The following DSCAM variants were observed in gnomAD, a reference collection of about 807,000 sequenced individuals.
DSCAM encodes the protein cell adhesion molecule DSCAM.
DSCAM carries 47 observed loss-of-function variants against 217.7 expected under a neutral mutation model. The ratio of observed to expected loss-of-function variants is 0.22; its 90% CI spans 0.17 to 0.28. DSCAM has a LOEUF of 0.28. DSCAM is among the 10% of genes least tolerant of loss of function. The pLI, the probability that DSCAM is intolerant of heterozygous loss-of-function variation, is 1.00. For missense variants in DSCAM, 2,080 were observed against 2,618.3 expected, an observed-to-expected ratio of 0.79 and a Z score of 4.49; for synonymous variants, 1,056 against 1,015.3, an observed-to-expected ratio of 1.04 and a Z score of -0.76.
At chr21:40,036,412 C>A (rs2088624477) in intron 32 of DSCAM, among the ~76,000 whole-genome samples, 2 of 144,748 alleles carry the variant, frequency 1.4e-5, no homozygotes, top group African/African-American at 2.7e-5. Context: ...ACTAGAAAAT[C>A]TAGAAGAAAT....
At chr21:40,621,062 C>T (rs1210622764) in intron 3 of DSCAM, among the ~76,000 whole-genome samples, 1 of 152,050 alleles carries the variant, frequency 6.6e-6, no homozygotes, top group Non-Finnish European at 1.5e-5. Context: ...ACAGTGGTTA[C>T]TAAAGTTGGG....
chr21:40,085,279 A>C (rs114285135), intron 23 of DSCAM, among the ~76,000 whole-genome samples: 4,675 of 152,308 alleles, frequency 0.031, 147 homozygotes, highest in East Asian at 0.13. Context: ...ACACTTACAT[A>C]TATGTAGAGT....
intron 3 of DSCAM, among the ~76,000 whole-genome samples, chr21:40,425,954 T>A (rs1331502513): frequency 2.0e-5 from 3 of 152,178 alleles, no homozygotes; most frequent in African/African-American, 7.2e-5. Context: ...GGGGGCAGAA[T>A]AAAGGACAAT....
chr21:40,056,371 GT>G (rs1376391996), intron 28 of DSCAM, among the ~76,000 whole-genome samples: 1 of 152,104 alleles, frequency 6.6e-6, no homozygotes, highest in East Asian at 1.9e-4. Context: ...CCTGACGTTA[GT>G]TTTCCTAACT....
rs148324976 is a variant in DSCAM at position 40,325,151 on chromosome 21, T to G, written c.1784-12792A>C. ...TTAATAATAACTGACTTGAAGAGGC[T>G]TTTTTTTAAGTAAAGTGCTGAAATA... is the stretch of plus-strand genomic sequence containing the variant. On this transcript the variant is annotated intron_variant, in intron 8 of 32. Coordinates refer to ENST00000400454, the MANE Select transcript of DSCAM (RefSeq NM_001389.5). Among the ~76,000 whole-genome samples, 11 of 152,002 alleles carry G rather than the reference T, an allele frequency of 7.2e-5. No individual in the cohort carries two copies. In the East Asian group the frequency reaches 2.1e-3, roughly 29 times the overall value.
intron 3 of DSCAM, among the ~76,000 whole-genome samples, chr21:40,539,140 G>A (rs543421522): frequency 2.0e-5 from 3 of 152,226 alleles, no homozygotes; most frequent in South Asian, 2.1e-4. Context: ...GGTTGGGGAG[G>A]CCGAGAGGGC....
chr21:40,564,644 G>A (rs914625006), intron 3 of DSCAM, among the ~76,000 whole-genome samples: 1 of 152,108 alleles, frequency 6.6e-6, no homozygotes, highest in Non-Finnish European at 1.5e-5. Flanking sequence ...CTCTAGGTCT[G>A]TCTCTACTCA....
chr21:40,039,170 T>TAAAG (rs202041057), intron 32 of DSCAM, among the ~76,000 whole-genome samples: 1 of 150,192 alleles, frequency 6.7e-6, no homozygotes, highest in South Asian at 2.1e-4. Context: ...AGTATAATAA[T>TAAAG]AAAGAAAAGA....
intron 1 of DSCAM, among the ~76,000 whole-genome samples, chr21:40,827,483 A>AAAAAAG (rs1569056712): frequency 1.5e-5 from 2 of 133,440 alleles, no homozygotes; most frequent in Non-Finnish European, 3.2e-5. Flanking sequence ...AAAAAAAAAA[A>AAAAAAG]AAAGAAAAGA....
chr21:40,075,420 G>A (rs1362436581), intron 26 of DSCAM, among the ~76,000 whole-genome samples: 2 of 152,046 alleles, frequency 1.3e-5, no homozygotes, highest in Non-Finnish European at 2.9e-5. Context: ...TTATTCTATA[G>A]TGCACGTTTG....
chr21:40,218,706 C>T (rs1408826362), intron 11 of DSCAM, among the ~76,000 whole-genome samples: 1 of 151,960 alleles, frequency 6.6e-6, no homozygotes, highest in African/African-American at 2.4e-5. Context: ...AGATCTTTCA[C>T]CTCCCTGGTT....
intron 9 of DSCAM, among the ~76,000 whole-genome samples, chr21:40,301,579 C>G (rs184188977): frequency 2.0e-4 from 30 of 152,180 alleles, no homozygotes; most frequent in Non-Finnish European, 3.7e-4. Flanking sequence ...TTCTCTGAGG[C>G]CTTAATTACT....
intron 3 of DSCAM, among the ~76,000 whole-genome samples, chr21:40,485,831 TACAC>T (rs992506272): frequency 6.6e-5 from 10 of 152,098 alleles, no homozygotes; most frequent in African/African-American, 9.7e-5. Context: ...CATATATACA[TACAC>T]ATACATACAC....
intron 3 of DSCAM, among the ~76,000 whole-genome samples, chr21:40,597,689 A>C (rs991970481): frequency 5.9e-5 from 9 of 151,728 alleles, no homozygotes; most frequent in Admixed American, 2.0e-4. Flanking sequence ...TGTGTTTTTA[A>C]TAGAGACAGG....
intron 16 of DSCAM, among the ~76,000 whole-genome samples, chr21:40,164,308 A>G (rs1246916580): frequency 6.6e-6 from 1 of 152,098 alleles, no homozygotes; most frequent in Non-Finnish European, 1.5e-5. Flanking sequence ...CTGCCTGAAC[A>G]CTGACAGGAG....
At chr21:40,501,077 C>T (rs898764037) in intron 3 of DSCAM, among the ~76,000 whole-genome samples, 4 of 152,182 alleles carry the variant, frequency 2.6e-5, no homozygotes, top group African/African-American at 9.7e-5. Context: ...AATTAGTAGT[C>T]TCTTCTCAGC....
chr21:40,134,351 C>T (rs377243231), intron 18 of DSCAM, among the ~76,000 whole-genome samples: 4 of 152,206 alleles, frequency 2.6e-5, no homozygotes, highest in East Asian at 1.9e-4. Flanking sequence ...ATGTCCCCTG[C>T]ACCCCTAGCA....
intron 16 of DSCAM, among the ~76,000 whole-genome samples, chr21:40,145,874 C>A (rs1432598500): frequency 6.6e-6 from 1 of 151,658 alleles, no homozygotes; most frequent in Non-Finnish European, 1.5e-5. Flanking sequence ...GCGAATGCCA[C>A]CAAGATGAGG....
chr21:40,024,937 C>T (rs2146431061), intron 32 of DSCAM, among the ~76,000 whole-genome samples: 1 of 89,378 alleles, frequency 1.1e-5, no homozygotes, highest in East Asian at 3.6e-4. Context: ...GAGGGCATCC[C>T]TGTCTTGTGC....
Sources: allele counts gnomAD v4.1 joint callset (sites outside exome capture counted in the v4.1 genomes callset), GRCh38; gene constraint gnomAD v4.1.1; transcripts MANE v1.5; gene names NCBI Gene and HGNC (gene_info 2026-07-23, HGNC 2026-07-21).